ZNF704: variants seen among roughly 807,000 people sequenced by gnomAD.
ZNF704 encodes glucocorticoid induced gene 1.
ZNF704 carries 10 observed loss-of-function variants against 44.7 expected under a neutral mutation model. That is an observed-to-expected ratio of 0.22 (90% CI 0.14 to 0.38). ZNF704 has a LOEUF of 0.38. Among genes scored for constraint, ZNF704 ranks in the 10% least tolerant of loss-of-function variants. ZNF704 has a pLI of 1.00. For missense variants in ZNF704, 390 were observed against 545.5 expected (o/e 0.71, Z 2.84); for synonymous variants, 211 against 207.6 (o/e 1.02, Z -0.14).
chr8:80,773,381 A>G (rs138415535), intron 2 of ZNF704, among the ~76,000 whole-genome samples: 5 of 152,194 alleles, frequency 3.3e-5, no homozygotes, highest in Non-Finnish European at 5.9e-5. Flanking sequence ...GTTGAAGTGG[A>G]GTACAGATAT....
chr8:80,689,894 T>C (rs1367793581), intron 3 of ZNF704, among the ~76,000 whole-genome samples: 1 of 152,184 alleles, frequency 6.6e-6, no homozygotes, highest in Non-Finnish European at 1.5e-5. Flanking sequence ...AGCCTCCTTA[T>C]ATTAAACCTC....
chr8:80,866,117 C>A (rs1809150355), intron 1 of ZNF704, among the ~76,000 whole-genome samples: 2 of 152,174 alleles, frequency 1.3e-5, no homozygotes, highest in Non-Finnish European at 2.9e-5. Flanking sequence ...GGAATCACCT[C>A]CTGGCCAAAC....
At chr8:80,651,387 T>C (rs1452412152) in intron 7 of ZNF704, among the ~76,000 whole-genome samples, 17 of 148,466 alleles carry the variant, frequency 1.1e-4, no homozygotes, top group South Asian at 1.1e-3. Flanking sequence ...GGATAAAGAG[T>C]CAAGACCCAT....
intron 2 of ZNF704, among the ~76,000 whole-genome samples, chr8:80,805,733 T>C (rs113587547): frequency 3.9e-5 from 6 of 152,334 alleles, no homozygotes; most frequent in African/African-American, 9.6e-5. Flanking sequence ...TTGATCATAA[T>C]TCTGATTATG....
At chr8:80,880,065 C>T in the ZNF704 span, among the ~76,000 whole-genome samples, 13 of 152,182 alleles carry the variant, frequency 8.5e-5, no homozygotes, top group Non-Finnish European at 5.9e-5. Flanking sequence ...CTGTCTGTCT[C>T]TTCTGTCTCT....
chr8:80,739,570 G>A (rs994460372), intron 2 of ZNF704, among the ~76,000 whole-genome samples: 54 of 152,264 alleles, frequency 3.5e-4, no homozygotes, highest in Non-Finnish European at 4.0e-4. Context: ...CTTCTCTTCA[G>A]TCTTCTAGCA....
At chr8:80,681,401 T>C (rs1371726902) in intron 4 of ZNF704, among the ~76,000 whole-genome samples, 1 of 152,234 alleles carries the variant, frequency 6.6e-6, no homozygotes, top group East Asian at 1.9e-4. Flanking sequence ...ATACACACTG[T>C]ATAATTCCAT....
Position 80,654,018 on chromosome 8 carries a change from C to T in ZNF704, c.1032+5567G>A, listed in dbSNP as rs1377140775. Among the ~76,000 whole-genome samples the T allele has an allele frequency of 2.6e-5, 4 of 152,024 alleles. No homozygotes were observed. In the South Asian group the frequency reaches 8.3e-4, roughly 32 times the overall value. ...TATAGACCAATGGAACAGAACGGAG[C>T]CCTCAGAAATAATGCCACATATCTA... On this transcript the variant is annotated intron_variant, in intron 7 of 8. Coordinates refer to ENST00000327835, the MANE Select transcript of ZNF704 (RefSeq NM_001033723.3).
At chr8:80,844,800 A>C (rs1472041661) in intron 1 of ZNF704, among the ~76,000 whole-genome samples, 1 of 151,936 alleles carries the variant, frequency 6.6e-6, no homozygotes, top group Non-Finnish European at 1.5e-5. Flanking sequence ...ATCTTTTTGA[A>C]TGAGAAGCTT....
rs971243336 is a variant in ZNF704 at position 80,636,840 on chromosome 8, T to C, written c.*4526A>G. On this transcript the variant is annotated 3_prime_UTR_variant, in exon 9 of 9. Coordinates refer to ENST00000327835, the MANE Select transcript of ZNF704 (RefSeq NM_001033723.3). ...CAGGGTCATGAGAAAAAGCAGCACCTTGTCCACAAAAGTCCATGGAAGTTT... is the reference window on the plus strand; with the variant it reads ...CAGGGTCATGAGAAAAAGCAGCACCCTGTCCACAAAAGTCCATGGAAGTTT... The C allele has an allele frequency of 6.6e-6, 1 of 152,356 alleles. No homozygotes were observed. Among genetic ancestry groups the C allele is most frequent in the Middle Eastern group, 3.4e-3 (1 of 294 alleles). The allele number at this position is 152,356 out of a possible 1,614,324, so 9.4% of individuals were successfully genotyped here.
intron 4 of ZNF704, among the ~76,000 whole-genome samples, chr8:80,680,894 T>C (rs745507711): frequency 2.0e-5 from 3 of 152,190 alleles, no homozygotes; most frequent in Non-Finnish European, 4.4e-5. Context: ...CACCTCCATG[T>C]GCTGTTTATA....
At chr8:80,668,005 A>G (rs1325345894) in intron 5 of ZNF704, among the ~76,000 whole-genome samples, 1 of 152,210 alleles carries the variant, frequency 6.6e-6, no homozygotes, top group Non-Finnish European at 1.5e-5. Flanking sequence ...GAAGGTCTCA[A>G]TTTTCACCAT....
At chr8:80,818,333 A>G (rs562239168) in intron 2 of ZNF704, among the ~76,000 whole-genome samples, 1 of 151,922 alleles carries the variant, frequency 6.6e-6, no homozygotes, top group African/African-American at 2.4e-5. Context: ...TCATATATAT[A>G]TTTTTAAACA....
intron 2 of ZNF704, among the ~76,000 whole-genome samples, chr8:80,802,244 T>A (rs1293310173): frequency 6.7e-5 from 10 of 148,820 alleles, no homozygotes; most frequent in Admixed American, 6.7e-4. Context: ...ACAGATGAAT[T>A]CTACCAGAGG....
intron 1 of ZNF704, among the ~76,000 whole-genome samples, chr8:80,852,218 C>T (rs910624371): frequency 2.0e-5 from 3 of 152,136 alleles, no homozygotes; most frequent in Non-Finnish European, 4.4e-5. Context: ...GGCAGGAATG[C>T]AATACTGGGC....
At position 80,629,297 on chromosome 8, in the gene ZNF704, T is replaced by A. The variant is rs1256501697; in HGVS notation, c.*12069A>T. 1 of 152,248 alleles carries A rather than the reference T, an allele frequency of 6.6e-6. No homozygotes were observed. The highest frequency in any genetic ancestry group is 1.5e-5 in the Non-Finnish European group (1 of 68,048). 9.4% of individuals were successfully genotyped at this position (152,248 alleles called of 1,614,324 possible). A position where few individuals can be genotyped will look rare whatever the true frequency, so the allele number is the denominator to read the frequency against. On this transcript the variant is annotated 3_prime_UTR_variant, in exon 9 of 9. Transcript: ENST00000327835. Reference sequence around the variant, plus strand: ...ATTCAGAAATGTGTATCAGAACATCTGGATTTGGCTAAAAATCATATAAAA... The same window carrying A: ...ATTCAGAAATGTGTATCAGAACATCAGGATTTGGCTAAAAATCATATAAAA...
At chr8:80,812,411 G>C (rs929685157) in intron 2 of ZNF704, 4 of 159,698 alleles carry the variant, frequency 2.5e-5, no homozygotes, top group Admixed American at 1.9e-4. Context: ...TGATTTTAGG[G>C]TGAAACTTAG....
chr8:80,642,376 C>T (rs1422376033), intron 8 of ZNF704, among the ~76,000 whole-genome samples: 1 of 152,072 alleles, frequency 6.6e-6, no homozygotes, highest in Non-Finnish European at 1.5e-5. Flanking sequence ...ACTTTGGGTC[C>T]ATTATTAAGT....
In ZNF704 at chr8:80,759,038, T is replaced by C. The variant is rs1807084722; in HGVS notation, c.221+62336A>G. On this transcript the variant is annotated intron_variant, in intron 2 of 8. Transcript: ENST00000327835. ...GTTCATGCTCTGAACTGGTACACTA[T>C]ACTGCTTCCCATCACATAGAAACAC... Among the ~76,000 whole-genome samples, 3 of 152,222 alleles carry C rather than the reference T, an allele frequency of 2.0e-5. No individual in the cohort carries two copies. The South Asian group carries it at 6.2e-4, about 31-fold the overall frequency.
Sources: gnomAD v4.1 joint callset for allele counts (sites outside exome capture counted in the v4.1 genomes callset) on GRCh38, gnomAD v4.1.1 for gene constraint, MANE v1.5 for transcripts, NCBI Gene and HGNC (gene_info 2026-07-23, HGNC 2026-07-21) for gene names.